CPEB4: variants seen among roughly 807,000 people sequenced by gnomAD.
CPEB4 encodes cytoplasmic polyadenylation element binding protein 4, also known as cytoplasmic polyadenylation element-binding protein 4.
A neutral mutation model predicts 72.5 loss-of-function variants in CPEB4; 12 were observed. That is an observed-to-expected ratio of 0.17 (90% confidence interval 0.11 to 0.27). The LOEUF is 0.27. Ranked by LOEUF, CPEB4 falls within the 10% of genes least tolerant of loss-of-function variation. The pLI, the probability that CPEB4 is intolerant of heterozygous loss-of-function variation, is 1.00. For missense variants in CPEB4, 614 were observed against 908.5 expected (o/e 0.68, Z 4.17); for synonymous variants, 302 against 326.3 (o/e 0.93, Z 0.80).
At chr5:173,937,865 C>G (rs1441064824) in intron 3 of CPEB4, among the ~76,000 whole-genome samples, 1 of 152,172 alleles carries the variant, frequency 6.6e-6, no homozygotes, top group Non-Finnish European at 1.5e-5. Flanking sequence ...TAGGAACATT[C>G]TTTGAATGTT....
rs1488333056 is a variant in CPEB4 at position 173,952,984 on chromosome 5, T to C, written c.1781-107T>C. 3.8e-6 allele frequency: 3 copies of C among 794,544 alleles called. No individual in the cohort carries two copies. The African/African-American group carries it at 5.1e-5, about 14-fold the overall frequency. The allele number at this position is 794,544 out of a possible 1,614,324, so 49.2% of individuals were successfully genotyped here. ...TAATGTTTCATTTTAATAATTATTATAATGATGTGAGCTCAGAGTACAGAT... is the reference window on the plus strand; with the variant it reads ...TAATGTTTCATTTTAATAATTATTACAATGATGTGAGCTCAGAGTACAGAT... On this transcript the variant is annotated intron_variant, in intron 8 of 9. Transcript: ENST00000265085.
At chr5:173,898,863 A>G (rs898256734) in intron 1 of CPEB4, among the ~76,000 whole-genome samples, 1 of 152,182 alleles carries the variant, frequency 6.6e-6, no homozygotes, top group African/African-American at 2.4e-5. Context: ...CTTTTAGTTC[A>G]CCATGTTGGC....
chr5:173,888,439 G>A lies in CPEB4; in HGVS notation c.-1295G>A. ...GGCGGCGGCGGCGGCGGCAGCAGCG[G>A]CGACAGCAGAGGAGGAAGAGGAGGA... On this transcript the variant is annotated 5_prime_UTR_variant, in exon 1 of 10. Transcript: ENST00000265085. This position sits in a 1 kb window ranked among gnomAD's most constrained non-coding sequence, Gnocchi z 4.3. 1 of 456,652 alleles carries A rather than the reference G, an allele frequency of 2.2e-6. No individual in the cohort carries two copies. Among genetic ancestry groups the A allele is most frequent in the Non-Finnish European group, 3.8e-6 (1 of 264,888 alleles). 28.3% of individuals were successfully genotyped at this position (456,652 alleles called of 1,614,324 possible).
At chr5:173,943,394 C>T (rs1014522333) in intron 4 of CPEB4, among the ~76,000 whole-genome samples, 2 of 152,132 alleles carry the variant, frequency 1.3e-5, no homozygotes, top group Non-Finnish European at 2.9e-5. Flanking sequence ...TATAGTGACA[C>T]TAGTCCCAAA....
Position 173,890,229 on chromosome 5 carries a change from A to C in CPEB4, c.496A>C (p.Thr166Pro). The C allele has an allele frequency of 6.2e-7, 1 of 1,614,120 alleles. No individual in the cohort carries two copies. Among genetic ancestry groups the C allele is most frequent in the Non-Finnish European group, 8.5e-7 (1 of 1,179,994 alleles). Residue 166 changes from threonine (T) to proline (P), a missense_variant, in exon 1 of 10, where the codon ACT (threonine) becomes CCT (proline). Transcript: ENST00000265085. ...CTTGACATCTAGCGCATCGTCTCTT[A>C]CTGGTTTCAGTAACTGGTCAGCAGC... ...QPLTSSASSLTGFSNWSAAIA... is the reference protein window; with the variant it reads ...QPLTSSASSLPGFSNWSAAIA...
intron 1 of CPEB4, 81 bp from the exon 2 acceptor site, chr5:173,910,442 T>C: frequency 1.1e-6 from 1 of 906,920 alleles, no homozygotes; most frequent in Non-Finnish European, 1.8e-6. Flanking sequence ...GTGATCTGTG[T>C]CCCATCTAAT....
chr5:173,909,082 C>T (rs1239107551), intron 1 of CPEB4, among the ~76,000 whole-genome samples: 1 of 152,176 alleles, frequency 6.6e-6, no homozygotes, highest in Non-Finnish European at 1.5e-5. Flanking sequence ...AATGTCAGAG[C>T]ACTTGGGATG....
intron 2 of CPEB4, among the ~76,000 whole-genome samples, chr5:173,915,861 A>T (rs1756849026): frequency 6.6e-6 from 1 of 152,220 alleles, no homozygotes; most frequent in African/African-American, 2.4e-5. Context: ...CATAGGTTGG[A>T]CACAGTGAAA....
At chr5:173,899,408 G>A (rs1183552991) in intron 1 of CPEB4, among the ~76,000 whole-genome samples, 1 of 152,090 alleles carries the variant, frequency 6.6e-6, no homozygotes, top group Non-Finnish European at 1.5e-5. Context: ...TTTAAAGAAG[G>A]GTAGTGAGAA....
chr5:173,951,701 A>G, intron 7 of CPEB4, 123 bp from the exon 8 acceptor site: 1 of 628,088 alleles, frequency 1.6e-6, no homozygotes, highest in East Asian at 2.7e-5. Flanking sequence ...CTAGTTTCCC[A>G]GCTTTATTGA....
intron 2 of CPEB4, among the ~76,000 whole-genome samples, chr5:173,930,533 C>T (rs12513923): frequency 0.3 from 45,162 of 151,982 alleles, 7,074 homozygotes; most frequent in South Asian, 0.47. Context: ...AAGAATGAAA[C>T]CAATTTTTAG....
At position 173,951,865 on chromosome 5, in the gene CPEB4, G is replaced by A. The variant is rs765949412; in HGVS notation, c.1707G>A (p.Val569=). Residue 569 remains valine (V), a synonymous_variant, in exon 8 of 10, where the codon GTG becomes GTA. Coordinates refer to ENST00000265085, the MANE Select transcript of CPEB4 (RefSeq NM_030627.4). ...GGAATCTCAGTGACAGTGACTTTGT[G>A]ATGGATGGTTCACAGCCACTTGACC... ...RPWNLSDSDF[V]MDGSQPLDPR... is the part of the protein sequence containing the mutation. 6 of 1,613,920 alleles carry A rather than the reference G, an allele frequency of 3.7e-6. No homozygotes were observed. In the South Asian group the frequency reaches 6.6e-5, roughly 18 times the overall value.
At chr5:173,943,141 G>T (rs902715803) in intron 4 of CPEB4, 92 bp downstream of exon 4, 1 of 1,252,284 alleles carries the variant, frequency 8.0e-7, no homozygotes, top group Non-Finnish European at 1.1e-6. Context: ...AAGGGGAGAG[G>T]GGAAATGAAG....
chr5:173,929,718 T>G (rs1757372772), intron 2 of CPEB4, among the ~76,000 whole-genome samples: 1 of 151,986 alleles, frequency 6.6e-6, no homozygotes, highest in Non-Finnish European at 1.5e-5. Context: ...ATAATAATAA[T>G]AATAGTCCTT....
At position 173,890,783 on chromosome 5, in the gene CPEB4, C is replaced by T. The variant is rs543522984; in HGVS notation, c.1050C>T (p.Arg350=). The T allele has an allele frequency of 3.1e-6, 5 of 1,614,156 alleles. No homozygotes were observed. The highest frequency in any genetic ancestry group is 2.2e-5 in the East Asian group (1 of 44,888). ...SNHIQLQKYA[R]PSSAFAPKSW... is the part of the protein sequence containing the mutation. ...ATATTCAGCTCCAGAAGTATGCTCG[C>T]CCCAGCTCTGCCTTTGCACCTAAAT... Residue 350 remains arginine, a synonymous_variant, in exon 1 of 10, where the codon CGC becomes CGT. Transcript: ENST00000265085.
intron 5 of CPEB4, among the ~76,000 whole-genome samples, chr5:173,945,357 A>T (rs1757982985): frequency 6.6e-6 from 1 of 152,238 alleles, no homozygotes; most frequent in Non-Finnish European, 1.5e-5. Flanking sequence ...ATTGGACTAT[A>T]TGAAAAGGAG....
intron 1 of CPEB4, chr5:173,893,229 C>T (rs1755881098): frequency 6.6e-6 from 1 of 152,042 alleles, no homozygotes; most frequent in South Asian, 2.1e-4. Context: ...GGATACAGTT[C>T]TTTTTGCTTT....
At position 173,951,954 on chromosome 5, in the gene CPEB4, C is replaced by T. The variant is rs772216022; in HGVS notation, c.1780+16C>T. On this transcript the variant is annotated intron_variant, in intron 8 of 9. Coordinates refer to ENST00000265085, the MANE Select transcript of CPEB4 (RefSeq NM_030627.4). ...TTACGAGCTGGTATGATTAAACAAA[C>T]GACAAACTCTCTACCCTATAGCGCA... The T allele has an allele frequency of 1.3e-5, 20 of 1,491,426 alleles. 1 individual carries two copies. Among genetic ancestry groups the T allele is most frequent in the Admixed American group, 1.3e-4 (8 of 59,770 alleles). 92.4% of individuals were successfully genotyped at this position (1,491,426 alleles called of 1,614,324 possible).
intron 2 of CPEB4, among the ~76,000 whole-genome samples, chr5:173,929,485 GC>G (rs1227412374): frequency 1.3e-5 from 2 of 152,080 alleles, no homozygotes; most frequent in African/African-American, 4.8e-5. Flanking sequence ...GATTGCTTGA[GC>G]CCAAGAGTTC....
Sources: gnomAD v4.1 joint callset for allele counts (sites outside exome capture counted in the v4.1 genomes callset) on GRCh38, gnomAD v4.1.1 for gene constraint, Gnocchi (gnomAD v3.1) non-coding constraint, MANE v1.5 for transcripts, NCBI Gene and HGNC (gene_info 2026-07-23, HGNC 2026-07-21) for gene names.